KCNIP4: variants seen among roughly 807,000 people sequenced by gnomAD.
KCNIP4 encodes Kv channel-interacting protein 4.
In KCNIP4, 12 loss-of-function variants were observed where a neutral mutation model predicts 34.0. The ratio of observed to expected loss-of-function variants is 0.35; its 90% confidence interval spans 0.23 to 0.57. The LOEUF (loss-of-function observed/expected upper bound fraction) is 0.57. Ranked by LOEUF, KCNIP4 falls within the 20% of genes least tolerant of loss-of-function variation. KCNIP4 has a pLI of 0.83. For synonymous variants in KCNIP4, 124 were observed against 102.2 expected (o/e 1.21, Z -1.29); for missense variants, 238 against 311.7 (o/e 0.76, Z 1.78).
intron 1 of KCNIP4, among the ~76,000 whole-genome samples, chr4:21,403,511 C>G (rs1413887168): frequency 6.6e-6 from 1 of 152,194 alleles, no homozygotes; most frequent in Non-Finnish European, 1.5e-5. Context: ...CCATTTGACA[C>G]TGAGTATAAC....
At chr4:21,226,354 A>AGAAGGAAGGAAAGAAGGAAG (rs1758399477) in intron 1 of KCNIP4, among the ~76,000 whole-genome samples, 1 of 135,834 alleles carries the variant, frequency 7.4e-6, no homozygotes, top group Non-Finnish European at 1.5e-5. Flanking sequence ...GAGAAGGAAG[A>AGAAGGAAGGAAAGAAGGAAG]GAAGGAAGGA....
intron 1 of KCNIP4, among the ~76,000 whole-genome samples, chr4:21,354,625 C>T (rs1034031316): frequency 6.6e-6 from 1 of 152,162 alleles, no homozygotes; most frequent in Non-Finnish European, 1.5e-5. Flanking sequence ...GCACCCAATA[C>T]AGGAGCACCA....
chr4:21,893,917 A>G lies in KCNIP4; in HGVS notation c.61+54654T>C, dbSNP rs181487898. On this transcript the variant is annotated intron_variant, in intron 1 of 8. Transcript: ENST00000382152. ...TGTTTCCCTTACTTCCTGCTTTAGGATCCTAATTAGCATTATGCATAACCT... is the reference window on the plus strand; with the variant it reads ...TGTTTCCCTTACTTCCTGCTTTAGGGTCCTAATTAGCATTATGCATAACCT... 1.2e-4 allele frequency among the ~76,000 whole-genome samples: 18 copies of G among 152,292 alleles called. No individual in the cohort carries two copies. In the East Asian group the frequency reaches 3.5e-3, roughly 29 times the overall value.
chr4:21,425,230 C>A (rs1344758452), intron 1 of KCNIP4, among the ~76,000 whole-genome samples: 1 of 152,134 alleles, frequency 6.6e-6, no homozygotes, highest in African/African-American at 2.4e-5. Context: ...GCATAAAATA[C>A]TACCTAACTT....
chr4:21,516,683 GT>G, intron 1 of KCNIP4, among the ~76,000 whole-genome samples: 1 of 152,286 alleles, frequency 6.6e-6, no homozygotes, highest in South Asian at 2.1e-4. Context: ...TCTGGGAAGA[GT>G]TTTCGAACAT....
intron 1 of KCNIP4, among the ~76,000 whole-genome samples, chr4:20,905,505 C>CTTTTTTTTTTTTTTTTTT (rs1182454951): frequency 3.0e-4 from 11 of 37,068 alleles, no homozygotes; most frequent in African/African-American, 6.6e-4. Context: ...TGAACGTTTT[C>CTTTTTTTTTTTTTTTTTT]TTTCTTTTTT....
At chr4:21,682,143 T>G (rs1750412678) in intron 1 of KCNIP4, among the ~76,000 whole-genome samples, 1 of 152,134 alleles carries the variant, frequency 6.6e-6, no homozygotes, top group Admixed American at 6.6e-5. Context: ...TATGTCCATG[T>G]CAGCCTTCCA....
intron 1 of KCNIP4, among the ~76,000 whole-genome samples, chr4:21,683,807 G>A (rs1359228568): frequency 6.6e-6 from 1 of 152,046 alleles, no homozygotes; most frequent in African/African-American, 2.4e-5. Context: ...TGAAGCTGGA[G>A]GTCATTATCC....
intron 1 of KCNIP4, among the ~76,000 whole-genome samples, chr4:20,906,321 A>G (rs1424574326): frequency 1.3e-5 from 2 of 152,012 alleles, no homozygotes; most frequent in Non-Finnish European, 2.9e-5. Flanking sequence ...CCCCTCCCTT[A>G]TCAGTCCCTT....
chr4:20,900,618 C>G (rs1727063488), intron 1 of KCNIP4, among the ~76,000 whole-genome samples: 1 of 152,160 alleles, frequency 6.6e-6, no homozygotes, highest in African/African-American at 2.4e-5. Flanking sequence ...ACCTTTCTGT[C>G]CCTGGGAGAC....
intron 1 of KCNIP4, among the ~76,000 whole-genome samples, chr4:21,056,164 T>C (rs1318221059): frequency 6.6e-6 from 1 of 152,180 alleles, no homozygotes; most frequent in Non-Finnish European, 1.5e-5. Context: ...TTTGTTGATA[T>C]GGAACCTAGG....
intron 1 of KCNIP4, among the ~76,000 whole-genome samples, chr4:21,043,682 G>A (rs143987592): frequency 6.6e-6 from 1 of 152,010 alleles, no homozygotes; most frequent in Admixed American, 6.6e-5. Flanking sequence ...GAAAATAGAA[G>A]CAATGTTTTT....
chr4:20,929,167 A>G (rs1017982496), intron 1 of KCNIP4, among the ~76,000 whole-genome samples: 1 of 151,636 alleles, frequency 6.6e-6, no homozygotes, highest in Non-Finnish European at 1.5e-5. Context: ...ACATCACATC[A>G]AAAAGATTAT....
At chr4:21,072,834 G>A (rs1005128596) in intron 1 of KCNIP4, among the ~76,000 whole-genome samples, 5 of 152,144 alleles carry the variant, frequency 3.3e-5, no homozygotes, top group Admixed American at 1.3e-4. Flanking sequence ...AAGGTGTAAG[G>A]AAGGGATCCA....
chr4:21,589,394 G>T (rs1741989774), intron 1 of KCNIP4, among the ~76,000 whole-genome samples: 1 of 146,432 alleles, frequency 6.8e-6, no homozygotes, highest in African/African-American at 2.6e-5. Flanking sequence ...TCGGAGAAAA[G>T]GATAGTAAGG....
chr4:21,450,890 G>A (rs1728459541), intron 1 of KCNIP4, among the ~76,000 whole-genome samples: 1 of 152,116 alleles, frequency 6.6e-6, no homozygotes, highest in African/African-American at 2.4e-5. Flanking sequence ...ATTCTATGAT[G>A]TGCTGATCAC....
At chr4:20,943,359 G>A (rs1317042752) in intron 1 of KCNIP4, among the ~76,000 whole-genome samples, 2 of 152,184 alleles carry the variant, frequency 1.3e-5, no homozygotes, top group East Asian at 3.9e-4. Context: ...CTCTTCTTAT[G>A]AAGGTTGAGC....
Position 21,948,612 on chromosome 4 carries a change from T to C in KCNIP4, c.20A>G (p.Glu7Gly), listed in dbSNP as rs1730635553. 1 of 1,613,438 alleles carries C rather than the reference T, an allele frequency of 6.2e-7. No individual in the cohort carries two copies. Among genetic ancestry groups the C allele is most frequent in the African/African-American group, 1.3e-5 (1 of 74,864 alleles). Residue 7 changes from glutamate to glycine, a missense_variant, in exon 1 of 9, where the codon GAA (glutamate) becomes GGA (glycine). Transcript: ENST00000382152. ...CTCCTCCAGCTGAGCCGAAATGCTT[T>C]CCACCCTCCTCACATTCATGTCTAG... Reference protein sequence around the residue: MNVRRVESISAQLEEAS... With the variant: MNVRRVGSISAQLEEAS...
At chr4:21,255,994 T>G (rs958427773) in intron 1 of KCNIP4, among the ~76,000 whole-genome samples, 1 of 152,090 alleles carries the variant, frequency 6.6e-6, no homozygotes, top group Non-Finnish European at 1.5e-5. Context: ...GCTTACATTT[T>G]AGTGACAAGA....
Sources: gnomAD v4.1 joint callset for allele counts (sites outside exome capture counted in the v4.1 genomes callset) on GRCh38, gnomAD v4.1.1 for gene constraint, MANE v1.5 for transcripts, NCBI Gene and HGNC (gene_info 2026-07-23, HGNC 2026-07-21) for gene names.